Variants in WBP4 observed in about 807,000 individuals in gnomAD.
WBP4 encodes WW domain-binding protein 4.
In WBP4, 37 loss-of-function variants were observed where a neutral mutation model predicts 55.4. The ratio of observed to expected loss-of-function variants is 0.67; its 90% CI spans 0.51 to 0.88. The LOEUF (loss-of-function observed/expected upper bound fraction) is 0.88. Ranked by LOEUF, WBP4 falls within the 40% of genes least tolerant of loss-of-function variation. WBP4 has a pLI of 0.00. For synonymous variants in WBP4, 142 were observed against 140.2 expected (o/e 1.01, Z -0.09); for missense variants, 398 against 420.8 (o/e 0.95, Z 0.47).
chr13:41,072,256 C>T (rs954596336), intron 6 of WBP4, among the ~76,000 whole-genome samples: 10 of 152,048 alleles, frequency 6.6e-5, no homozygotes, highest in Admixed American at 5.9e-4. Context: ...GTACTACCAC[C>T]CCTAATACCC....
At chr13:41,079,158 A>G (rs1345731488) in intron 8 of WBP4, among the ~76,000 whole-genome samples, 1 of 152,232 alleles carries the variant, frequency 6.6e-6, no homozygotes, top group African/African-American at 2.4e-5. Context: ...GCATTTTTCA[A>G]AAGACACACA....
chr13:41,079,265 G>A (rs1878653096), intron 8 of WBP4, among the ~76,000 whole-genome samples: 1 of 152,062 alleles, frequency 6.6e-6, no homozygotes, highest in Non-Finnish European at 1.5e-5. Context: ...CAGTCAGAAG[G>A]CTGTAATTAA....
chr13:41,078,965 G>A (rs1018683503), intron 8 of WBP4, among the ~76,000 whole-genome samples: 4 of 151,884 alleles, frequency 2.6e-5, no homozygotes, highest in African/African-American at 9.7e-5. Context: ...CAAATGGGAG[G>A]GACTTAATTA....
In WBP4 at chr13:41,083,259, G is replaced by A. The variant is rs1311914014; in HGVS notation, c.*345G>A. On this transcript the variant is annotated 3_prime_UTR_variant, in exon 10 of 10. Coordinates refer to ENST00000379487, the MANE Select transcript of WBP4 (RefSeq NM_007187.5). ...AGCATATTTATCCTGCATTGAAAAT[G>A]CATTACTTTTGCACATTGATATTAA... 1.0e-5 allele frequency: 2 copies of A among 192,644 alleles called. No individual in the cohort carries two copies. The highest frequency in any genetic ancestry group is 2.2e-5 in the Non-Finnish European group (2 of 92,018). 11.9% of individuals were successfully genotyped at this position (192,644 alleles called of 1,614,324 possible).
intron 5 of WBP4, among the ~76,000 whole-genome samples, chr13:41,071,096 A>G (rs1878225188): frequency 6.6e-6 from 1 of 152,146 alleles, no homozygotes; most frequent in South Asian, 2.1e-4. Flanking sequence ...CTTTTTCAGC[A>G]TCCTACTTTA....
In WBP4 at chr13:41,079,962, CTCAAAG is replaced by C. The variant is rs539495263; in HGVS notation, c.757-678_757-673del. ...GAGGCCATTAACCTAAGTGAAATAA[CTCAAAG>C]TCAAATACTACATGTTCTCACTTAT... On this transcript the variant is annotated intron_variant, in intron 8 of 9. Transcript: ENST00000379487. 2.6e-3 allele frequency among the ~76,000 whole-genome samples: 388 copies of C among 151,750 alleles called. 2 individuals carry two copies. Among genetic ancestry groups the C allele is most frequent in the African/African-American group, 9.1e-3 (375 of 41,406 alleles).
At chr13:41,070,591 C>T (rs755045539) in intron 5 of WBP4, among the ~76,000 whole-genome samples, 10 of 151,512 alleles carry the variant, frequency 6.6e-5, no homozygotes, top group Non-Finnish European at 1.3e-4. Flanking sequence ...ATATGAGGTA[C>T]CTACAGAATA....
chr13:41,062,096 GTTTTTTTTTTTT>G (rs60658317), intron 1 of WBP4: 57 of 805,750 alleles, frequency 7.1e-5, no homozygotes, highest in South Asian at 1.3e-4. Context: ...TAGCGTAATG[GTTTTTTTTTTTT>G]TTTTTTTTTT....
At chr13:41,080,834 A>C in intron 9 of WBP4, 25 bp downstream of exon 9, 4 of 1,585,658 alleles carry the variant, frequency 2.5e-6, no homozygotes, top group Non-Finnish European at 3.4e-6. Flanking sequence ...CTTTAATCCC[A>C]CTGTTATTAC....
chr13:41,062,832 A>C, intron 2 of WBP4, 116 bp downstream of exon 2: 1 of 783,556 alleles, frequency 1.3e-6, no homozygotes. Context: ...TGCATTTTCA[A>C]AACATCAGAA....
intron 4 of WBP4, among the ~76,000 whole-genome samples, chr13:41,065,652 A>G (rs1593425300): frequency 6.6e-6 from 1 of 152,284 alleles, no homozygotes; most frequent in South Asian, 2.1e-4. Flanking sequence ...TATAATTGCA[A>G]TTCACTGTGT....
chr13:41,061,612 C>T lies in WBP4; in HGVS notation c.-62C>T, dbSNP rs914721259. ...GGCGGCTGGAAGAGCTCGACTCGTC[C>T]CGCTGGGAAAGCGCGAGTCTGAGTG... On this transcript the variant is annotated 5_prime_UTR_variant, in exon 1 of 10. Transcript: ENST00000379487. The T allele has an allele frequency of 3.1e-6, 5 of 1,613,786 alleles. No individual in the cohort carries two copies. The highest frequency in any genetic ancestry group is 1.7e-5 in the Admixed American group (1 of 60,018).
chr13:41,077,238 A>G (rs1231298241), intron 8 of WBP4, among the ~76,000 whole-genome samples: 1 of 152,214 alleles, frequency 6.6e-6, no homozygotes, highest in East Asian at 1.9e-4. Context: ...TCAATAGATA[A>G]AAAGCATTTG....
intron 8 of WBP4, 81 bp downstream of exon 8, chr13:41,076,318 C>G: frequency 8.8e-7 from 1 of 1,142,836 alleles, no homozygotes. Flanking sequence ...CTTGTTCTGT[C>G]CCCAGGCTGG....
chr13:41,074,095 C>T (rs967606398), intron 7 of WBP4, among the ~76,000 whole-genome samples: 1 of 151,908 alleles, frequency 6.6e-6, no homozygotes, highest in Non-Finnish European at 1.5e-5. Flanking sequence ...CTTCGCCAGG[C>T]TAATTTTTTG....
Position 41,080,686 on chromosome 13 carries a change from CACAG to C in WBP4, c.799_802del (p.Gln267LysfsTer11). 1 of 1,598,658 alleles carries C rather than the reference CACAG, an allele frequency of 6.3e-7. No individual in the cohort carries two copies. Among genetic ancestry groups the C allele is most frequent in the Non-Finnish European group, 8.5e-7 (1 of 1,176,478 alleles). On this transcript the variant is annotated frameshift_variant, in exon 9 of 10. Coordinates refer to ENST00000379487, the MANE Select transcript of WBP4 (RefSeq NM_007187.5). LOFTEE classifies it high-confidence loss of function. ...AGTGATGGAGGAAGTGACCCAGAAA[CACAG>C]AAAGAAAAAAGTATTCAGAAACAGA...
At chr13:41,071,435 G>A (rs1878241133) in intron 5 of WBP4, 92 bp from the exon 6 acceptor site, 3 of 1,014,246 alleles carry the variant, frequency 3.0e-6, no homozygotes, top group East Asian at 2.4e-5. Context: ...GTAGTGTTTT[G>A]TACATAATGA....
At chr13:41,080,424 G>A (rs1445318371) in intron 8 of WBP4, among the ~76,000 whole-genome samples, 1 of 152,174 alleles carries the variant, frequency 6.6e-6, no homozygotes, top group South Asian at 2.1e-4. Context: ...AAGACATTAA[G>A]GTGGTGATTT....
Position 41,080,531 on chromosome 13 carries a change from GAGTT to G in WBP4, c.757-111_757-108del, listed in dbSNP as rs1004059725. The G allele has an allele frequency of 4.1e-5, 31 of 754,220 alleles. No individual in the cohort carries two copies. In the African/African-American group the frequency reaches 5.5e-4, roughly 14 times the overall value. The allele number at this position is 754,220 out of a possible 1,614,324, so 46.7% of individuals were successfully genotyped here. A position where few individuals can be genotyped will look rare whatever the true frequency, so the allele number is the denominator to read the frequency against. ...TATTTATTGTGTTATGTGCAGATTT[GAGTT>G]AGTGAATTATTGTTTATAAATCTAT... On this transcript the variant is annotated intron_variant, in intron 8 of 9. Coordinates refer to ENST00000379487, the MANE Select transcript of WBP4 (RefSeq NM_007187.5).
Sources: gnomAD v4.1 joint callset for allele counts (sites outside exome capture counted in the v4.1 genomes callset) on GRCh38, gnomAD v4.1.1 for gene constraint, MANE v1.5 for transcripts, NCBI Gene and HGNC (gene_info 2026-07-23, HGNC 2026-07-21) for gene names.